SEMA6D: variants seen among roughly 807,000 people sequenced by gnomAD.
SEMA6D encodes the protein semaphorin-6D.
In SEMA6D, 35 loss-of-function variants were observed where a neutral mutation model predicts 106.6. The observed-to-expected ratio is 0.33, with a 90% confidence interval of 0.25 to 0.44. The LOEUF is 0.44. Among genes scored for constraint, SEMA6D ranks in the 20% least tolerant of loss-of-function variants. The pLI, the probability that SEMA6D is intolerant of heterozygous loss-of-function variation, is 1.00. For synonymous variants in SEMA6D, 499 were observed against 487.7 expected (o/e 1.02, Z -0.31); for missense variants, 1,185 against 1,345.9 (o/e 0.88, Z 1.87).
In SEMA6D at chr15:47,752,469, G is replaced by A. The variant is rs528677817; in HGVS notation, c.-54-7276G>A. Among the ~76,000 whole-genome samples, 19 of 152,282 alleles carry A rather than the reference G, an allele frequency of 1.2e-4. No individual in the cohort carries two copies. In the East Asian group the frequency reaches 3.5e-3, roughly 28 times the overall value. ...AGGAGGTGAGGAAATTATAGCAGTA[G>A]AGCAAAGTTTCTTTCAGTGCCAGTG... On this transcript the variant is annotated intron_variant, in intron 1 of 18. Coordinates refer to ENST00000536845, the MANE Select transcript of SEMA6D (RefSeq NM_001358351.3).
chr15:47,587,878 T>G (rs371259011), intron 3 of SEMA6D, among the ~76,000 whole-genome samples: 2 of 152,252 alleles, frequency 1.3e-5, no homozygotes, highest in South Asian at 2.1e-4. Flanking sequence ...CTTTCTCCAT[T>G]TGCATTGTCA....
At chr15:47,321,479 G>A (rs1295399080) in intron 1 of SEMA6D, among the ~76,000 whole-genome samples, 2 of 152,110 alleles carry the variant, frequency 1.3e-5, no homozygotes, top group Admixed American at 6.6e-5. Context: ...AGAGGTCAAT[G>A]TCTGTTATAA....
intron 1 of SEMA6D, among the ~76,000 whole-genome samples, chr15:47,249,078 A>G (rs1403946723): frequency 9.2e-5 from 14 of 152,066 alleles, no homozygotes; most frequent in Non-Finnish European, 2.1e-4. Context: ...AAATACAAAC[A>G]TTAGCCGGCC....
intron 3 of SEMA6D, among the ~76,000 whole-genome samples, chr15:47,548,998 C>T (rs1252580584): frequency 2.0e-5 from 3 of 151,684 alleles, no homozygotes; most frequent in Non-Finnish European, 4.4e-5. Context: ...TCTTAAGCCA[C>T]CTCATGAGTT....
chr15:47,463,359 T>G (rs1307038570), intron 2 of SEMA6D, among the ~76,000 whole-genome samples: 2 of 152,184 alleles, frequency 1.3e-5, no homozygotes, highest in Admixed American at 1.3e-4. Context: ...CCTTTGCTGA[T>G]CATCTCTGCC....
At chr15:47,727,059 G>T (rs1004355916) in intron 1 of SEMA6D, among the ~76,000 whole-genome samples, 5 of 152,254 alleles carry the variant, frequency 3.3e-5, no homozygotes, top group Admixed American at 2.6e-4. Context: ...CAGAATTGTG[G>T]TGTCAAAAAT....
At chr15:47,585,402 T>A (rs1183979745) in intron 3 of SEMA6D, among the ~76,000 whole-genome samples, 1 of 152,194 alleles carries the variant, frequency 6.6e-6, no homozygotes, top group Non-Finnish European at 1.5e-5. Context: ...ATCGGATTTG[T>A]CAGGTCTGAT....
chr15:47,444,073 T>C (rs1207830261), intron 2 of SEMA6D, among the ~76,000 whole-genome samples: 1 of 152,148 alleles, frequency 6.6e-6, no homozygotes, highest in African/African-American at 2.4e-5. Flanking sequence ...TGTGACTGAG[T>C]AGGCCATTGT....
At chr15:47,557,358 C>G (rs993231423) in intron 3 of SEMA6D, among the ~76,000 whole-genome samples, 1 of 152,180 alleles carries the variant, frequency 6.6e-6, no homozygotes, top group Non-Finnish European at 1.5e-5. Flanking sequence ...TGTGATTTTA[C>G]TATGTATTTA....
At position 47,506,599 on chromosome 15, in the gene SEMA6D, A is replaced by AACACACACACACAC. The variant is rs61155774; in HGVS notation, c.-87+36074_-87+36087dup. 4.0e-3 allele frequency among the ~76,000 whole-genome samples: 549 copies of AACACACACACACAC among 137,886 alleles called. 7 individuals carry two copies. Among genetic ancestry groups the AACACACACACACAC allele is most frequent in the African/African-American group, 0.014 (485 of 35,902 alleles). The allele number at this position is 137,886 out of a possible 152,430, so 90.5% of individuals were successfully genotyped here. On this transcript the variant is annotated intron_variant, in intron 3 of 19. Transcript: ENST00000558014. ...CTACATGGGCATTTACACACACACAAACACACACACACACACACACACACA... is the reference window on the plus strand; with the variant it reads ...CTACATGGGCATTTACACACACACAAACACACACACACACACACACACACACACACACACACACA...
Position 47,469,259 on chromosome 15 carries a change from G to A in SEMA6D, c.-158-1215G>A, listed in dbSNP as rs528537858. ...CCCCCTTATTGCCCCAACCAGGGGC[G>A]GATTTCCTGCCTTGGAATGCCTGAG... On this transcript the variant is annotated intron_variant, in intron 2 of 19. Transcript: ENST00000558014. Among the ~76,000 whole-genome samples the A allele has an allele frequency of 3.8e-4, 58 of 151,938 alleles. No homozygotes were observed. In the South Asian group the frequency reaches 6.6e-3, roughly 17 times the overall value.
intron 4 of SEMA6D, among the ~76,000 whole-genome samples, chr15:47,634,682 A>G (rs565190683): frequency 6.6e-6 from 1 of 152,266 alleles, no homozygotes; most frequent in East Asian, 1.9e-4. Flanking sequence ...TCAACCCACC[A>G]CTAGACCTTG....
At chr15:47,455,905 C>A in intron 2 of SEMA6D, among the ~76,000 whole-genome samples, 1 of 151,802 alleles carries the variant, frequency 6.6e-6, no homozygotes, top group Non-Finnish European at 1.5e-5. Context: ...AAGGAAAACA[C>A]TTTATTGATT....
chr15:47,626,758 G>A lies in SEMA6D; in HGVS notation c.-55+25862G>A, dbSNP rs1295681729. ...TTGAAATTGAATAACAAGTCCCCTT[G>A]TTTGATAGAGTGTTAAGCAAGTAAA... is the stretch of plus-strand genomic sequence containing the variant. On this transcript the variant is annotated intron_variant, in intron 4 of 19. Transcript: ENST00000558014. Among the ~76,000 whole-genome samples, 3 of 151,894 alleles carry A rather than the reference G, an allele frequency of 2.0e-5. No individual in the cohort carries two copies. In the East Asian group the frequency reaches 5.8e-4, roughly 29 times the overall value.
At chr15:47,552,349 A>C (rs985203730) in intron 3 of SEMA6D, among the ~76,000 whole-genome samples, 2 of 152,094 alleles carry the variant, frequency 1.3e-5, no homozygotes, top group Non-Finnish European at 2.9e-5. Context: ...ATAGCTATGT[A>C]GAAGATATGG....
rs141451944 is a variant in SEMA6D, at chr15:47,771,426, A to G, written c.2863A>G (p.Met955Val). 76 of 1,613,968 alleles carry G rather than the reference A, an allele frequency of 4.7e-5. No homozygotes were observed. Among genetic ancestry groups the G allele is most frequent in the Middle Eastern group, 1.6e-4 (1 of 6,078 alleles). ...TGTCCCCACCACTCCTGGAGTCCCA[A>G]TGACTTCTCTGGAAAGACAAAGAGG... is the stretch of plus-strand genomic sequence containing the variant. ...VDVPTTPGVP[M>V]TSLERQRGYH... Residue 955 changes from methionine to valine, a missense_variant, in exon 19 of 19, where the codon ATG becomes GTG. Physicochemically the swap from Met to Val is conservative, Grantham distance 21. Around this residue, in one of 3 missense-constraint regions of SEMA6D, gnomAD observed 750 missense variants for 783.5 expected, o/e 0.96. Coordinates refer to ENST00000536845, the MANE Select transcript of SEMA6D (RefSeq NM_001358351.3).
At chr15:47,188,395 T>G (rs1893716780) in intron 1 of SEMA6D, among the ~76,000 whole-genome samples, 1 of 152,160 alleles carries the variant, frequency 6.6e-6, no homozygotes, top group Non-Finnish European at 1.5e-5. Flanking sequence ...AGACTAACAT[T>G]AATGGGTAAT....
intron 2 of SEMA6D, among the ~76,000 whole-genome samples, chr15:47,449,374 G>A (rs1370605171): frequency 2.6e-5 from 4 of 152,042 alleles, no homozygotes; most frequent in African/African-American, 9.7e-5. Context: ...GGGTGTGTGT[G>A]CTCTGATACA....
intron 4 of SEMA6D, among the ~76,000 whole-genome samples, chr15:47,637,669 GA>G (rs1354474355): frequency 3.3e-5 from 5 of 152,238 alleles, no homozygotes; most frequent in African/African-American, 1.2e-4. Flanking sequence ...TTATTTTCAG[GA>G]AGGCTTTTAC....
Sources: allele counts gnomAD v4.1 joint callset (sites outside exome capture counted in the v4.1 genomes callset), GRCh38; gene constraint gnomAD v4.1.1; regional missense constraint gnomAD v4.1.1; transcripts MANE v1.5; gene names NCBI Gene and HGNC (gene_info 2026-07-23, HGNC 2026-07-21).